Variants in NAV2 observed in about 807,000 individuals in gnomAD.
NAV2 encodes the protein helicase, APC down-regulated 1.
In NAV2, 54 loss-of-function variants were observed where a neutral mutation model predicts 223.2. That is an observed-to-expected ratio of 0.24 (90% CI 0.19 to 0.30). The LOEUF (loss-of-function observed/expected upper bound fraction) is 0.30. NAV2 is among the 10% of genes least tolerant of loss of function. NAV2 has a pLI of 1.00. For synonymous variants in NAV2, 1,279 were observed against 1,239.3 expected, an observed-to-expected ratio of 1.03 and a Z score of -0.67; for missense variants, 2,806 against 3,147.5, an observed-to-expected ratio of 0.89 and a Z score of 2.60.
At chr11:20,056,504 T>A (rs1271861247) in intron 19 of NAV2, 1 of 1,538,348 alleles carries the variant, frequency 6.5e-7, no homozygotes. Flanking sequence ...GGGGTTGGAT[T>A]TTTATGTTTG....
chr11:19,711,945 C>A (rs2049900049), upstream of NAV2: 1 of 152,258 alleles, frequency 6.6e-6, no homozygotes, highest in South Asian at 2.1e-4. Context: ...CCAAGCAGTT[C>A]TACAGGGTGG....
chr11:19,795,897 A>G (rs1180469690), intron 1 of NAV2, among the ~76,000 whole-genome samples: 1 of 152,186 alleles, frequency 6.6e-6, no homozygotes, highest in South Asian at 2.1e-4. Context: ...GGCAATATAT[A>G]CTTTCATTTG....
At chr11:19,682,182 G>C (rs1404148191) in intron 1 of NAV2, among the ~76,000 whole-genome samples, 1 of 152,108 alleles carries the variant, frequency 6.6e-6, no homozygotes, top group Non-Finnish European at 1.5e-5. Context: ...TATGTAGATT[G>C]AGGAGTGGGA....
chr11:20,015,206 G>T (rs1346655732), intron 11 of NAV2, among the ~76,000 whole-genome samples: 2 of 152,094 alleles, frequency 1.3e-5, no homozygotes, highest in Non-Finnish European at 2.9e-5. Context: ...GACCAAATAG[G>T]CACGATAGCC....
intron 1 of NAV2, among the ~76,000 whole-genome samples, chr11:19,564,620 G>A (rs2045208141): frequency 6.6e-6 from 1 of 152,142 alleles, no homozygotes; most frequent in Admixed American, 6.5e-5. Context: ...GGGCTGAGGG[G>A]CGGGGCGGGG....
At chr11:19,539,594 A>G (rs1403321245) in intron 1 of NAV2, among the ~76,000 whole-genome samples, 1 of 152,196 alleles carries the variant, frequency 6.6e-6, no homozygotes, top group Non-Finnish European at 1.5e-5. Context: ...CAATGTGCAA[A>G]AGAGTCCAAA....
At chr11:19,520,715 A>T (rs2043623262) in intron 1 of NAV2, among the ~76,000 whole-genome samples, 2 of 152,284 alleles carry the variant, frequency 1.3e-5, no homozygotes, top group South Asian at 4.1e-4. Context: ...GACAGCTCAG[A>T]TTTCAGGAAG....
intron 1 of NAV2, among the ~76,000 whole-genome samples, chr11:19,832,009 C>T (rs2059971571): frequency 6.6e-6 from 1 of 152,200 alleles, no homozygotes; most frequent in South Asian, 2.1e-4. Flanking sequence ...GACCCAGGCT[C>T]CTGAGAACTC....
At chr11:19,972,628 C>T (rs2049343948) in intron 10 of NAV2, among the ~76,000 whole-genome samples, 1 of 152,134 alleles carries the variant, frequency 6.6e-6, no homozygotes, top group Non-Finnish European at 1.5e-5. Context: ...TACCTGATCT[C>T]CCTCCCCCAA....
At chr11:19,523,966 G>A (rs2043761028) in intron 1 of NAV2, among the ~76,000 whole-genome samples, 2 of 152,134 alleles carry the variant, frequency 1.3e-5, no homozygotes, top group African/African-American at 2.4e-5. Flanking sequence ...ATTTAGCCCA[G>A]GTGTTTTCTC....
intron 1 of NAV2, among the ~76,000 whole-genome samples, chr11:19,706,433 C>T (rs2049664978): frequency 6.6e-6 from 1 of 152,154 alleles, no homozygotes; most frequent in Non-Finnish European, 1.5e-5. Context: ...CTGATAACCC[C>T]ACAAATAGTT....
chr11:19,860,235 G>T (rs1211847433), intron 3 of NAV2, among the ~76,000 whole-genome samples: 1 of 146,422 alleles, frequency 6.8e-6, no homozygotes, highest in East Asian at 2.0e-4. Flanking sequence ...CTTCCCAGAC[G>T]GGGTGGCTGC....
intron 10 of NAV2, among the ~76,000 whole-genome samples, chr11:19,956,081 G>A (rs1428153087): frequency 6.6e-6 from 1 of 152,144 alleles, no homozygotes; most frequent in Non-Finnish European, 1.5e-5. Flanking sequence ...CCAGCCAGTG[G>A]GCTGGTCTCA....
intron 26 of NAV2, among the ~76,000 whole-genome samples, chr11:20,090,149 T>C (rs1003324111): frequency 1.2e-4 from 18 of 152,326 alleles, no homozygotes; most frequent in South Asian, 2.1e-4. Context: ...TCCACGCATA[T>C]CTTTAGGTTT....
chr11:19,983,983 A>T (rs1337684172), intron 10 of NAV2, 142 bp from the exon 11 acceptor site: 15 of 1,030,448 alleles, frequency 1.5e-5, no homozygotes, highest in African/African-American at 3.2e-5. Flanking sequence ...TTGGGCTGTG[A>T]TCAGTGCCAG....
In NAV2 at chr11:19,933,865, A is replaced by G; in HGVS notation, c.1621A>G (p.Ser541Gly). Residue 541 changes from serine (S) to glycine (G), a missense_variant, in exon 7 of 38, where the codon AGC becomes GGC. Around this residue, in one of 4 missense-constraint regions of NAV2, gnomAD observed 1,167 missense variants for 1,180.5 expected, o/e 0.99. Coordinates refer to ENST00000349880, the MANE Select transcript of NAV2 (RefSeq NM_145117.5). This position sits in a 1 kb window ranked among gnomAD's most constrained non-coding sequence, Gnocchi z 4.3. ...EMPKKSSKIA[S>G]FIPKGGKLNS... ...GCCAAAAAAGTCCTCCAAGATTGCC[A>G]GCTTCATCCCCAAAGGGGGGAAGCT... 1 of 1,603,748 alleles carries G rather than the reference A, an allele frequency of 6.2e-7. No homozygotes were observed. Among genetic ancestry groups the G allele is most frequent in the Non-Finnish European group, 8.5e-7 (1 of 1,176,618 alleles).
chr11:19,404,861 A>G (rs1473935484), intron 1 of NAV2, among the ~76,000 whole-genome samples: 1 of 151,586 alleles, frequency 6.6e-6, no homozygotes, highest in Non-Finnish European at 1.5e-5. Flanking sequence ...AGGGTAAAAC[A>G]ACTTTTTTTT....
chr11:19,569,211 C>T (rs977871094), intron 1 of NAV2, among the ~76,000 whole-genome samples: 1 of 152,210 alleles, frequency 6.6e-6, no homozygotes, highest in Non-Finnish European at 1.5e-5. Context: ...AGCTGTATCC[C>T]TCCCTGCCCT....
intron 28 of NAV2, among the ~76,000 whole-genome samples, 190 bp downstream of exon 28, chr11:20,092,558 A>G (rs1210506775): frequency 5.3e-5 from 8 of 152,166 alleles, no homozygotes; most frequent in Admixed American, 3.3e-4. Flanking sequence ...GACTGCTCTC[A>G]TGCTTTGCTC....
Sources: allele counts gnomAD v4.1 joint callset (sites outside exome capture counted in the v4.1 genomes callset), GRCh38; gene constraint gnomAD v4.1.1; regional missense constraint gnomAD v4.1.1; non-coding constraint Gnocchi (gnomAD v3.1); transcripts MANE v1.5; gene names NCBI Gene and HGNC (gene_info 2026-07-23, HGNC 2026-07-21).